Variants in CFAP52 observed in about 807,000 individuals in gnomAD.
CFAP52 encodes cilia and flagella associated protein 52, also known as cilia- and flagella-associated protein 52.
Under a neutral mutation model 70.5 loss-of-function variants are expected in CFAP52, and 57 were observed. The observed-to-expected ratio is 0.81, with a 90% CI of 0.65 to 1.01. CFAP52 has a LOEUF of 1.01. Ranked by LOEUF, CFAP52 falls within the 50% of genes least tolerant of loss-of-function variation. The pLI is 0.00. For synonymous variants in CFAP52, 267 were observed against 292.5 expected (o/e 0.91, Z 0.89); for missense variants, 785 against 788.5 (o/e 1.00, Z 0.05).
intron 6 of CFAP52, among the ~76,000 whole-genome samples, chr17:9,601,587 T>TTCAGGACA (rs1222285018): frequency 3.9e-5 from 6 of 152,178 alleles, no homozygotes; most frequent in African/African-American, 1.2e-4. Flanking sequence ...ACTAACTAGA[T>TTCAGGACA]CTTAGATTTT....
Position 9,631,038 on chromosome 17 carries a change from G to GAA in CFAP52, c.1175-1849_1175-1848insAA, listed in dbSNP as rs1597793311. Among the ~76,000 whole-genome samples the GAA allele has an allele frequency of 3.9e-4, 31 of 79,936 alleles. No homozygotes were observed. In the East Asian group the frequency reaches 4.8e-3, roughly 12 times the overall value. The allele number at this position is 79,936 out of a possible 152,430, so 52.4% of individuals were successfully genotyped here. On this transcript the variant is annotated intron_variant, in intron 9 of 13. Transcript: ENST00000352665. ...AGAAAGAAAGAAAGAAAGAGAGAGA[G>GAA]AGAGAGAGAGAGAGAGAAAGAAAGA...
Position 9,589,606 on chromosome 17 carries a change from G to A in CFAP52, c.407+2772G>A, listed in dbSNP as rs188653924. ...AAATTAGCCGGGCATGGTGGCAGGC[G>A]CCTGTAATCCCATCTACTCAGGAGG... On this transcript the variant is annotated intron_variant, in intron 3 of 13. Transcript: ENST00000352665. Among the ~76,000 whole-genome samples, 274 of 151,982 alleles carry A rather than the reference G, an allele frequency of 1.8e-3. 3 individuals carry two copies. Among genetic ancestry groups the A allele is most frequent in the African/African-American group, 6.4e-3 (265 of 41,480 alleles).
chr17:9,603,375 A>C (rs747484892), intron 6 of CFAP52, among the ~76,000 whole-genome samples: 18 of 152,046 alleles, frequency 1.2e-4, no homozygotes, highest in Non-Finnish European at 2.6e-4. Context: ...TGCCCAGCTA[A>C]CTTTTTTGTA....
At chr17:9,627,638 C>G (rs1910289766) in intron 8 of CFAP52, among the ~76,000 whole-genome samples, 1 of 152,198 alleles carries the variant, frequency 6.6e-6, no homozygotes, top group Admixed American at 6.5e-5. Flanking sequence ...GACTTATCTT[C>G]AAACTCAGGT....
chr17:9,598,089 A>G (rs972493175), intron 4 of CFAP52, 145 bp from the exon 5 acceptor site: 3 of 610,802 alleles, frequency 4.9e-6, no homozygotes, highest in Non-Finnish European at 8.5e-6. Flanking sequence ...TGTTATGAGG[A>G]TCGAATAAAA....
chr17:9,632,673 G>C (rs560269605), intron 9 of CFAP52, among the ~76,000 whole-genome samples: 1 of 147,834 alleles, frequency 6.8e-6, no homozygotes, highest in East Asian at 1.9e-4. Context: ...GGGTAATCAA[G>C]GAAGACTCAG....
chr17:9,601,953 A>G (rs1290587294), intron 6 of CFAP52, among the ~76,000 whole-genome samples: 2 of 152,210 alleles, frequency 1.3e-5, no homozygotes, highest in Non-Finnish European at 2.9e-5. Context: ...GTTCCTGGGA[A>G]AATGTCACAG....
intron 4 of CFAP52, among the ~76,000 whole-genome samples, chr17:9,596,059 G>GTGTGTGTGTATA (rs1555541607): frequency 1.0e-3 from 86 of 85,180 alleles, no homozygotes; most frequent in Non-Finnish European, 1.5e-3. Context: ...ATATGTGTGT[G>GTGTGTGTGTATA]TATATATATA....
intron 10 of CFAP52, 91 bp downstream of exon 10, chr17:9,633,124 T>C: frequency 7.0e-7 from 1 of 1,436,756 alleles, no homozygotes; most frequent in Non-Finnish European, 9.3e-7. Context: ...AATACACACC[T>C]TTGCTAGTAT....
chr17:9,630,498 C>T (rs1419788238), intron 9 of CFAP52, among the ~76,000 whole-genome samples: 3 of 146,924 alleles, frequency 2.0e-5, no homozygotes, highest in African/African-American at 5.1e-5. Flanking sequence ...GGCGCGATCT[C>T]GGCTCACTGC....
intron 6 of CFAP52, among the ~76,000 whole-genome samples, chr17:9,607,571 C>T (rs1376219205): frequency 6.6e-6 from 1 of 152,132 alleles, no homozygotes; most frequent in African/African-American, 2.4e-5. Context: ...ATAATACAGT[C>T]GCCAAACAAT....
intron 8 of CFAP52, among the ~76,000 whole-genome samples, chr17:9,623,495 A>C (rs1049112580): frequency 6.6e-6 from 1 of 152,186 alleles, no homozygotes; most frequent in African/African-American, 2.4e-5. Flanking sequence ...GCAATATTAT[A>C]ATTTTTGCTT....
intron 6 of CFAP52, among the ~76,000 whole-genome samples, chr17:9,604,178 A>C (rs943340408): frequency 2.6e-5 from 4 of 152,224 alleles, no homozygotes; most frequent in African/African-American, 9.6e-5. Context: ...GACCTAAAAC[A>C]CAAAACAATA....
intron 10 of CFAP52, among the ~76,000 whole-genome samples, chr17:9,634,612 A>C (rs1241779631): frequency 6.6e-6 from 1 of 151,766 alleles, no homozygotes; most frequent in East Asian, 1.9e-4. Context: ...AAAAATACAA[A>C]AATTAGCCAG....
chr17:9,589,866 C>T (rs997570261), intron 3 of CFAP52: 3 of 119,646 alleles, frequency 2.5e-5, no homozygotes, highest in African/African-American at 6.4e-5. Flanking sequence ...ATGTAATCAC[C>T]AAGAGTGCTA....
At chr17:9,630,912 G>C (rs1005891235) in intron 9 of CFAP52, among the ~76,000 whole-genome samples, 4 of 149,426 alleles carry the variant, frequency 2.7e-5, no homozygotes, top group Non-Finnish European at 5.9e-5. Flanking sequence ...CTTGAACCCG[G>C]GAGGTGGAGG....
chr17:9,629,547 C>CTT (rs758263833), intron 9 of CFAP52, among the ~76,000 whole-genome samples: 223 of 126,802 alleles, frequency 1.8e-3, no homozygotes, highest in African/African-American at 6.0e-3. Context: ...TGCTTGCTTG[C>CTT]TTTTTTTTTT....
At chr17:9,634,354 A>G (rs911718537) in intron 10 of CFAP52, among the ~76,000 whole-genome samples, 4 of 152,238 alleles carry the variant, frequency 2.6e-5, no homozygotes, top group African/African-American at 9.6e-5. Context: ...TGTCCATTAA[A>G]GGAATACTGG....
chr17:9,606,387 A>G (rs1052758440), intron 6 of CFAP52, among the ~76,000 whole-genome samples: 5 of 172 alleles, frequency 0.029, no homozygotes, highest in African/African-American at 0.071. Context: ...TCCAAAATAC[A>G]CACACACACA....
Sources: allele counts gnomAD v4.1 joint callset (sites outside exome capture counted in the v4.1 genomes callset), GRCh38; gene constraint gnomAD v4.1.1; transcripts MANE v1.5; gene names NCBI Gene and HGNC (gene_info 2026-07-23, HGNC 2026-07-21).